The following BTRC variants were observed in gnomAD, a reference collection of about 807,000 sequenced individuals.
BTRC encodes beta-transducin repeat containing E3 ubiquitin protein ligase, also known as F-box/WD repeat-containing protein 1A.
In BTRC, 42 loss-of-function variants were observed where a neutral mutation model predicts 85.5. The observed-to-expected ratio is 0.49, with a 90% CI of 0.38 to 0.64. BTRC has a LOEUF of 0.64. Ranked by LOEUF, BTRC falls within the 30% of genes least tolerant of loss-of-function variation. The pLI is 0.00. For synonymous variants in BTRC, 255 were observed against 263.3 expected (o/e 0.97, Z 0.30); for missense variants, 594 against 743.5 (o/e 0.80, Z 2.34).
intron 2 of BTRC, among the ~76,000 whole-genome samples, chr10:101,455,292 A>G (rs1945048161): frequency 1.3e-5 from 2 of 151,474 alleles, no homozygotes; most frequent in Non-Finnish European, 2.9e-5. Context: ...CCTGGCCCCA[A>G]GCAATCCTCC....
chr10:101,463,263 C>G (rs1945278306), intron 3 of BTRC, among the ~76,000 whole-genome samples: 1 of 152,130 alleles, frequency 6.6e-6, no homozygotes, highest in Non-Finnish European at 1.5e-5. Flanking sequence ...CCAGGCTGGT[C>G]GCAAACTCTT....
chr10:101,379,399 G>A (rs1942872541), intron 1 of BTRC, among the ~76,000 whole-genome samples: 1 of 152,128 alleles, frequency 6.6e-6, no homozygotes, highest in Non-Finnish European at 1.5e-5. Context: ...TCTTTTGAAA[G>A]CATTCGTGTT....
intron 2 of BTRC, among the ~76,000 whole-genome samples, chr10:101,448,410 A>G (rs992104572): frequency 6.6e-6 from 1 of 152,110 alleles, no homozygotes; most frequent in Non-Finnish European, 1.5e-5. Context: ...CCCCTGGTAG[A>G]ACTCCAAGCT....
Position 101,536,522 on chromosome 10 carries a change from T to A in BTRC, c.1467-21T>A, listed in dbSNP as rs750719046. On this transcript the variant is annotated intron_variant, in intron 11 of 14. Transcript: ENST00000370187. ...AGAAAAGAATACGTGAAAATTCACC[T>A]GACTTAATTTTCTCTTCCAGATTAT... is the stretch of plus-strand genomic sequence containing the variant. 1.9e-5 allele frequency: 30 copies of A among 1,562,210 alleles called. No homozygotes were observed. In the East Asian group the frequency reaches 6.7e-4, roughly 35 times the overall value.
intron 4 of BTRC, among the ~76,000 whole-genome samples, chr10:101,512,461 A>G (rs2061969362): frequency 6.6e-6 from 1 of 152,184 alleles, no homozygotes; most frequent in Admixed American, 6.5e-5. Context: ...TCTACTTACT[A>G]TACCCTTCCT....
intron 10 of BTRC, 68 bp from the exon 11 acceptor site, chr10:101,535,286 C>G (rs1037566873): frequency 3.4e-5 from 41 of 1,193,832 alleles, no homozygotes; most frequent in Non-Finnish European, 4.9e-5. Context: ...TTCTCTAAGA[C>G]TCCATTTGCC....
chr10:101,525,795 G>A (rs2062182443), intron 5 of BTRC, among the ~76,000 whole-genome samples: 2 of 151,940 alleles, frequency 1.3e-5, no homozygotes, highest in African/African-American at 4.8e-5. Context: ...CTTATCTAAA[G>A]GAAGATGGAA....
chr10:101,513,374 G>A (rs1028398009), intron 4 of BTRC, among the ~76,000 whole-genome samples: 6 of 152,060 alleles, frequency 3.9e-5, no homozygotes, highest in East Asian at 1.9e-4. Context: ...GGCAACTGGC[G>A]TAACAATCAA....
chr10:101,543,742 A>G (rs1299171366), intron 13 of BTRC, among the ~76,000 whole-genome samples: 1 of 152,066 alleles, frequency 6.6e-6, no homozygotes, highest in South Asian at 2.1e-4. Flanking sequence ...CTACTATCAG[A>G]TGATATTGTA....
At chr10:101,369,971 T>C (rs1299788190) in intron 1 of BTRC, among the ~76,000 whole-genome samples, 1 of 152,172 alleles carries the variant, frequency 6.6e-6, no homozygotes, top group Non-Finnish European at 1.5e-5. Flanking sequence ...CAAAACCCCA[T>C]GTCAGATTGC....
intron 2 of BTRC, among the ~76,000 whole-genome samples, chr10:101,440,263 A>G (rs573463924): frequency 3.7e-4 from 56 of 152,182 alleles, no homozygotes; most frequent in Non-Finnish European, 6.2e-4. Context: ...ATAAATTACA[A>G]TACATCTTAA....
rs1023343620 is a variant in BTRC at position 101,550,599 on chromosome 10, C to T, written c.1657-100C>T. The T allele has an allele frequency of 5.3e-6, 7 of 1,326,038 alleles. No individual in the cohort carries two copies. The South Asian group carries it at 8.1e-5, about 15-fold the overall frequency. 82.1% of individuals were successfully genotyped at this position (1,326,038 alleles called of 1,614,324 possible). Reference sequence around the variant, plus strand: ...GCCTGGCCTCTTTATAACAGCAAACCATAGCCTTTCCGTAGACTCCTTTTG... The same window carrying T: ...GCCTGGCCTCTTTATAACAGCAAACTATAGCCTTTCCGTAGACTCCTTTTG... On this transcript the variant is annotated intron_variant, in intron 13 of 14. Coordinates refer to ENST00000370187, the MANE Select transcript of BTRC (RefSeq NM_033637.4).
At chr10:101,531,194 A>G (rs2062275377) in intron 6 of BTRC, 43 bp from the exon 7 acceptor site, 1 of 1,425,456 alleles carries the variant, frequency 7.0e-7, no homozygotes, top group Non-Finnish European at 9.8e-7. Context: ...ATTTAAATAT[A>G]TAATGTCATG....
intron 13 of BTRC, among the ~76,000 whole-genome samples, chr10:101,547,970 ACT>A (rs1433012564): frequency 1.3e-5 from 2 of 152,174 alleles, no homozygotes; most frequent in Admixed American, 6.5e-5. Flanking sequence ...CATGATAAAA[ACT>A]CTCAGCAAAC....
intron 3 of BTRC, among the ~76,000 whole-genome samples, chr10:101,477,729 A>T (rs573422841): frequency 1.8e-4 from 28 of 152,148 alleles, no homozygotes; most frequent in African/African-American, 4.8e-4. Context: ...AGCTCACTAC[A>T]ACCTCCATCT....
intron 1 of BTRC, among the ~76,000 whole-genome samples, chr10:101,357,878 C>T (rs1462120813): frequency 1.3e-5 from 2 of 152,162 alleles, no homozygotes; most frequent in East Asian, 1.9e-4. Flanking sequence ...TTGAAAGCAA[C>T]GGTTTACATT....
intron 4 of BTRC, among the ~76,000 whole-genome samples, chr10:101,516,306 A>G (rs1472208584): frequency 5.3e-5 from 8 of 152,248 alleles, no homozygotes; most frequent in African/African-American, 1.4e-4. Flanking sequence ...TTATTTTCCC[A>G]GTTTTATAGA....
chr10:101,356,673 G>T (rs1942043860), intron 1 of BTRC, among the ~76,000 whole-genome samples: 1 of 152,150 alleles, frequency 6.6e-6, no homozygotes, highest in South Asian at 2.1e-4. Context: ...CTAGAAGAGG[G>T]TCACCAGAAT....
chr10:101,370,619 C>T (rs1270816177), intron 1 of BTRC, among the ~76,000 whole-genome samples: 7 of 143,694 alleles, frequency 4.9e-5, no homozygotes, highest in Non-Finnish European at 9.2e-5. Context: ...CTCCCTCCCT[C>T]CCTCCCTTTC....
Sources: allele counts gnomAD v4.1 joint callset (sites outside exome capture counted in the v4.1 genomes callset), GRCh38; gene constraint gnomAD v4.1.1; transcripts MANE v1.5; gene names NCBI Gene and HGNC (gene_info 2026-07-23, HGNC 2026-07-21).